The following IL1A variants were observed in gnomAD, a reference collection of about 807,000 sequenced individuals.
IL1A encodes the protein interleukin 1 alpha, also known as interleukin-1 alpha.
A neutral mutation model predicts 22.2 loss-of-function variants in IL1A; 16 were observed. That is an observed-to-expected ratio of 0.72 (90% CI 0.49 to 1.09). The LOEUF is 1.09. IL1A is among the 50% of genes least tolerant of loss of function. The pLI, the probability that IL1A is intolerant of heterozygous loss-of-function variation, is 0.00. For synonymous variants in IL1A, 113 were observed against 118.5 expected (o/e 0.95, Z 0.30); for missense variants, 317 against 321.8 (o/e 0.99, Z 0.11).
At chr2:112,775,400 C>T (rs1681083511) in intron 6 of IL1A, 133 bp from the exon 7 acceptor site, 1 of 648,058 alleles carries the variant, frequency 1.5e-6, no homozygotes, top group African/African-American at 1.8e-5. Flanking sequence ...GCTATAGGCT[C>T]TTCATTCATT....
At chr2:112,782,795 G>A (rs780910124) in intron 2 of IL1A, 31 bp from the exon 3 acceptor site, 10 of 1,550,032 alleles carry the variant, frequency 6.5e-6, no homozygotes, top group Non-Finnish European at 8.9e-6. Flanking sequence ...GAATGTAATT[G>A]TTGTTATTTC....
chr2:112,775,026 A>T lies in IL1A; in HGVS notation c.*41T>A. The T allele has an allele frequency of 6.7e-7, 1 of 1,497,188 alleles. No homozygotes were observed. Among genetic ancestry groups the T allele is most frequent in the Non-Finnish European group, 9.3e-7 (1 of 1,075,234 alleles). 92.7% of individuals were successfully genotyped at this position (1,497,188 alleles called of 1,614,324 possible). On this transcript the variant is annotated 3_prime_UTR_variant, in exon 7 of 7. Coordinates refer to ENST00000263339, the MANE Select transcript of IL1A (RefSeq NM_000575.5). Reference sequence around the variant, plus strand: ...TTCTTCATGTACATGGTACATATGAACTGTCAACACTGCACAAGTGAGACA... The same window carrying T: ...TTCTTCATGTACATGGTACATATGATCTGTCAACACTGCACAAGTGAGACA...
At position 112,778,101 on chromosome 2, in the gene IL1A, G is replaced by C; in HGVS notation, c.501C>G (p.Asp167Glu). 1 of 1,612,778 alleles carries C rather than the reference G, an allele frequency of 6.2e-7. No individual in the cohort carries two copies. The highest frequency in any genetic ancestry group is 8.5e-7 in the Non-Finnish European group (1 of 1,179,364). ...LHNLDEAVKF[D>E]MGAYKSSKDD... is the part of the protein sequence containing the mutation. Reference sequence around the variant, plus strand: ...CCTTTGATGACTTATAAGCACCCATGTCAAATTTCACTGGTGAAGAGAAGA... The same window carrying C: ...CCTTTGATGACTTATAAGCACCCATCTCAAATTTCACTGGTGAAGAGAAGA... Residue 167 changes from aspartate (D) to glutamate (E), a missense_variant, in exon 6 of 7, where the codon GAC becomes GAG. Asp to Glu is a conservative substitution (Grantham distance 45, BLOSUM62 2). Coordinates refer to ENST00000263339, the MANE Select transcript of IL1A (RefSeq NM_000575.5).
rs902259491 is a variant in IL1A at position 112,783,740 on chromosome 2, G to A, written c.31C>T (p.Leu11=). The change falls in exon 2 of 7, where the codon CTG becomes TTG. Residue 11 remains leucine, a synonymous_variant. Coordinates refer to ENST00000263339, the MANE Select transcript of IL1A (RefSeq NM_000575.5). ...ATTCCTTACCTGTAACAGTTCTTCAGGTCTTCAAACATGTCTGGAACTTTG... is the reference window on the plus strand; with the variant it reads ...ATTCCTTACCTGTAACAGTTCTTCAAGTCTTCAAACATGTCTGGAACTTTG... The part of the protein sequence containing the change: MAKVPDMFED[L]KNCYSENEED... The A allele has an allele frequency of 1.2e-6, 2 of 1,613,852 alleles. No individual in the cohort carries two copies. The highest frequency in any genetic ancestry group is 1.7e-6 in the Non-Finnish European group (2 of 1,179,748).
At chr2:112,775,412 G>A in intron 6 of IL1A, 145 bp from the exon 7 acceptor site, 1 of 631,506 alleles carries the variant, frequency 1.6e-6, no homozygotes, top group Non-Finnish European at 2.8e-6. Context: ...TCATTCATTT[G>A]TTCATTCAGC....
intron 6 of IL1A, among the ~76,000 whole-genome samples, chr2:112,777,519 T>C (rs1681119829): frequency 6.6e-6 from 1 of 152,182 alleles, no homozygotes; most frequent in South Asian, 2.1e-4. Flanking sequence ...CTGACATCAA[T>C]GCAGAGAGAG....
chr2:112,780,746 A>G (rs1052929018), intron 4 of IL1A, among the ~76,000 whole-genome samples: 1 of 77,652 alleles, frequency 1.3e-5, no homozygotes, highest in African/African-American at 6.2e-5. Context: ...TAATAATAAT[A>G]ATAATCATAG....
At chr2:112,775,538 A>C in intron 6 of IL1A, among the ~76,000 whole-genome samples, 1 of 152,212 alleles carries the variant, frequency 6.6e-6, no homozygotes. Context: ...TGACACTAGT[A>C]TCTTACTGTA....
rs747367369 is a variant in IL1A, at chr2:112,781,026, AT to A, written c.319+577del. ...CAGAGCCAGACTCCATCTCAAAAAA[AT>A]AAAATAAAATAATAATAATAATGAT... On this transcript the variant is annotated intron_variant, in intron 4 of 6. Transcript: ENST00000263339. Among the ~76,000 whole-genome samples, 778 of 151,506 alleles carry A rather than the reference AT, an allele frequency of 5.1e-3. 3 individuals carry two copies. Among genetic ancestry groups the A allele is most frequent in the African/African-American group, 0.018 (734 of 41,298 alleles).
rs1681254788 is a variant in IL1A at position 112,783,775 on chromosome 2, A to G, written c.-5T>C. The G allele has an allele frequency of 6.2e-7, 1 of 1,613,808 alleles. No individual in the cohort carries two copies. The highest frequency in any genetic ancestry group is 1.3e-5 in the African/African-American group (1 of 74,914). On this transcript the variant is annotated 5_prime_UTR_variant, in exon 2 of 7. Coordinates refer to ENST00000263339, the MANE Select transcript of IL1A (RefSeq NM_000575.5). ...CATGTCTGGAACTTTGGCCATCTTG[A>G]CTTCTGCAACAGAGAACACCAGCCA...
chr2:112,784,359 A>G (rs1003727473), intron 1 of IL1A, 84 bp downstream of exon 1: 1 of 152,426 alleles, frequency 6.6e-6, no homozygotes, highest in African/African-American at 2.4e-5. Flanking sequence ...CTGTAGCTTT[A>G]GAGAAGGCAA....
chr2:112,778,236 T>G, intron 5 of IL1A, 125 bp from the exon 6 acceptor site: 1 of 639,338 alleles, frequency 1.6e-6, no homozygotes, highest in East Asian at 3.1e-5. Flanking sequence ...GTGTGTGTAG[T>G]TAGGTCCCCA....
chr2:112,775,199 G>C lies in IL1A; in HGVS notation c.684C>G (p.His228Gln). Residue 228 changes from histidine (H) to glutamine (Q), a missense_variant, in exon 7 of 7, where the codon CAC becomes CAG. Transcript: ENST00000263339. ...CTGATGTGAAATAGTTCTTAGTGCC[G>C]TGAGTTTCCCAGAAGAAGAGGAGGT... ...ETNLLFFWETHGTKNYFTSVA... is the reference protein window; with the variant it reads ...ETNLLFFWETQGTKNYFTSVA... The C allele has an allele frequency of 6.2e-7, 1 of 1,614,158 alleles. No individual in the cohort carries two copies. The highest frequency in any genetic ancestry group is 1.1e-5 in the South Asian group (1 of 91,078).
At chr2:112,778,291 T>A (rs1283337774) in intron 5 of IL1A, among the ~76,000 whole-genome samples, 180 bp from the exon 6 acceptor site, 1 of 152,050 alleles carries the variant, frequency 6.6e-6, no homozygotes, top group East Asian at 1.9e-4. Flanking sequence ...ATTCTATACA[T>A]CTTTGTGTCC....
chr2:112,781,027 T>A (rs2856840), intron 4 of IL1A, among the ~76,000 whole-genome samples: 45,576 of 149,760 alleles, frequency 0.3, 7,063 homozygotes, highest in Middle Eastern at 0.37. Flanking sequence ...CTCAAAAAAA[T>A]AAAATAAAAT....
intron 1 of IL1A, 51 bp from the exon 2 acceptor site, chr2:112,783,829 A>T: frequency 6.6e-7 from 1 of 1,525,994 alleles, no homozygotes; most frequent in Non-Finnish European, 9.1e-7. Context: ...TCTAATCCAG[A>T]TATCTGTGAG....
rs1361179732 is a variant in IL1A at position 112,778,041 on chromosome 2, T to C, written c.561A>G (p.Ser187=). ...DAKITVILRI[S]KTQLYVTAQD... The stretch of plus-strand genomic sequence containing the variant: ...GGGCAGTCACATACAATTGAGTTTT[T>C]GAGATTCTTAGAATCACGGTAATTT... The change falls in exon 6 of 7, where the codon TCA becomes TCG. Residue 187 remains serine, a synonymous_variant. Coordinates refer to ENST00000263339, the MANE Select transcript of IL1A (RefSeq NM_000575.5). The C allele has an allele frequency of 1.2e-6, 2 of 1,614,200 alleles. No individual in the cohort carries two copies. Among genetic ancestry groups the C allele is most frequent in the Admixed American group, 1.7e-5 (1 of 60,020 alleles).
chr2:112,774,965 C>G lies in IL1A; in HGVS notation c.*102G>C, dbSNP rs1681075513. On this transcript the variant is annotated 3_prime_UTR_variant, in exon 7 of 7. Coordinates refer to ENST00000263339, the MANE Select transcript of IL1A (RefSeq NM_000575.5). ...TCATTTAGAATTACAAGGCTCAGTACATGCTCAGCAAATGACTAACAGTAA... is the reference window on the plus strand; with the variant it reads ...TCATTTAGAATTACAAGGCTCAGTAGATGCTCAGCAAATGACTAACAGTAA... The G allele has an allele frequency of 2.4e-6, 2 of 842,894 alleles. No individual in the cohort carries two copies. The highest frequency in any genetic ancestry group is 3.9e-6 in the Non-Finnish European group (2 of 511,228). 52.2% of individuals were successfully genotyped at this position (842,894 alleles called of 1,614,324 possible). A position where few individuals can be genotyped will look rare whatever the true frequency, so the allele number is the denominator to read the frequency against.
intron 6 of IL1A, among the ~76,000 whole-genome samples, chr2:112,775,928 TA>T (rs1681095208): frequency 6.6e-6 from 1 of 152,240 alleles, no homozygotes; most frequent in Non-Finnish European, 1.5e-5. Context: ...CCTATTCTTT[TA>T]AATCTAAAGC....
Sources: gnomAD v4.1 joint callset for allele counts (sites outside exome capture counted in the v4.1 genomes callset) on GRCh38, gnomAD v4.1.1 for gene constraint, MANE v1.5 for transcripts, NCBI Gene and HGNC (gene_info 2026-07-23, HGNC 2026-07-21) for gene names.